The following CDK5RAP2 variants were observed in gnomAD, a reference collection of about 807,000 sequenced individuals.
CDK5RAP2 encodes CDK5 regulatory subunit-associated protein 2.
Under a neutral mutation model 232.9 loss-of-function variants are expected in CDK5RAP2, and 147 were observed. The observed-to-expected ratio is 0.63, with a 90% confidence interval of 0.55 to 0.72. The LOEUF is 0.72. Among genes scored for constraint, CDK5RAP2 ranks in the 30% least tolerant of loss-of-function variants. CDK5RAP2 has a pLI of 0.00. For synonymous variants in CDK5RAP2, 833 were observed against 833.7 expected (o/e 1.00, Z 0.01); for missense variants, 2,195 against 2,231.5 (o/e 0.98, Z 0.33).
At chr9:120,522,235 C>A (rs1165935879) in intron 11 of CDK5RAP2, among the ~76,000 whole-genome samples, 1 of 152,172 alleles carries the variant, frequency 6.6e-6, no homozygotes, top group Non-Finnish European at 1.5e-5. Flanking sequence ...ATGTCAATGA[C>A]CTGGCAGTGA....
chr9:120,533,172 G>A (rs1036617479), intron 7 of CDK5RAP2, among the ~76,000 whole-genome samples: 9 of 152,004 alleles, frequency 5.9e-5, no homozygotes, highest in South Asian at 4.2e-4. Context: ...CATCAATCAC[G>A]ACATATATTT....
chr9:120,436,435 C>A (rs1044527567), intron 25 of CDK5RAP2, among the ~76,000 whole-genome samples: 1 of 151,838 alleles, frequency 6.6e-6, no homozygotes, highest in Non-Finnish European at 1.5e-5. Context: ...GATCAGGATC[C>A]AGAATAAACT....
intron 31 of CDK5RAP2, chr9:120,408,012 C>T: frequency 2.9e-6 from 1 of 347,278 alleles, no homozygotes; most frequent in Non-Finnish European, 5.6e-6. Context: ...ATTTTCAACA[C>T]AATTCTCCAC....
At chr9:120,505,893 C>T (rs1028519645) in intron 12 of CDK5RAP2, among the ~76,000 whole-genome samples, 6 of 152,204 alleles carry the variant, frequency 3.9e-5, no homozygotes, top group Non-Finnish European at 7.3e-5. Context: ...AATAAGTCAT[C>T]TAAGTAACAT....
chr9:120,554,771 C>A (rs902197792), intron 3 of CDK5RAP2, among the ~76,000 whole-genome samples: 4 of 151,884 alleles, frequency 2.6e-5, no homozygotes, highest in Non-Finnish European at 5.9e-5. Context: ...GTAGCTGGGA[C>A]TACAGGCATG....
At chr9:120,548,284 T>C (rs1034712091) in intron 4 of CDK5RAP2, among the ~76,000 whole-genome samples, 3 of 152,122 alleles carry the variant, frequency 2.0e-5, no homozygotes, top group Admixed American at 1.3e-4. Flanking sequence ...CTCAGAAGGG[T>C]GGAGAGCTTC....
At chr9:120,390,751 G>T (rs776794391) in intron 36 of CDK5RAP2, among the ~76,000 whole-genome samples, 6 of 152,184 alleles carry the variant, frequency 3.9e-5, no homozygotes, top group Non-Finnish European at 7.3e-5. Flanking sequence ...CAGTGCCAGA[G>T]GCTGTAACAG....
chr9:120,404,141 T>TA (rs1254713527), intron 32 of CDK5RAP2, 28 bp from the exon 33 acceptor site: 1 of 1,409,854 alleles, frequency 7.1e-7, no homozygotes, highest in East Asian at 2.3e-5. Flanking sequence ...CGAGAACTGT[T>TA]AGTTTCACTG....
chr9:120,496,250 A>G (rs1588485115), intron 12 of CDK5RAP2, among the ~76,000 whole-genome samples: 1 of 101,650 alleles, frequency 9.8e-6, no homozygotes, highest in Non-Finnish European at 2.0e-5. Context: ...CTGGGAGGTG[A>G]GGGGCGCCTC....
intron 18 of CDK5RAP2, among the ~76,000 whole-genome samples, chr9:120,463,700 A>C (rs1016921447): frequency 6.6e-6 from 1 of 152,240 alleles, no homozygotes. Flanking sequence ...GTTATTCTGC[A>C]TTTCCAGAAC....
At chr9:120,402,117 C>G (rs751512591) in intron 34 of CDK5RAP2, among the ~76,000 whole-genome samples, 2 of 152,062 alleles carry the variant, frequency 1.3e-5, no homozygotes, top group Non-Finnish European at 2.9e-5. Flanking sequence ...CAGAGTGAGA[C>G]CCTGTCTCTA....
At chr9:120,402,437 C>T (rs930243057) in intron 34 of CDK5RAP2, among the ~76,000 whole-genome samples, 1 of 152,228 alleles carries the variant, frequency 6.6e-6, no homozygotes, top group African/African-American at 2.4e-5. Context: ...AAGTTCACAA[C>T]CTTTGAACTA....
At chr9:120,427,013 T>C (rs1310785092) in intron 25 of CDK5RAP2, among the ~76,000 whole-genome samples, 3 of 152,202 alleles carry the variant, frequency 2.0e-5, no homozygotes, top group Non-Finnish European at 4.4e-5. Context: ...TTGGGTTCCC[T>C]TAGCTGAGGG....
chr9:120,479,711 A>G (rs890761179), intron 14 of CDK5RAP2, among the ~76,000 whole-genome samples: 3 of 152,248 alleles, frequency 2.0e-5, no homozygotes, highest in African/African-American at 7.2e-5. Flanking sequence ...AAAGTCAAGG[A>G]AAGATTTTAG....
At position 120,539,270 on chromosome 9, in the gene CDK5RAP2, C is replaced by G. The variant is rs1310994968; in HGVS notation, c.384-106G>C. 33 of 1,396,150 alleles carry G rather than the reference C, an allele frequency of 2.4e-5. No individual in the cohort carries two copies. The South Asian group carries it at 3.9e-4, about 16-fold the overall frequency. 86.5% of individuals were successfully genotyped at this position (1,396,150 alleles called of 1,614,324 possible). A position where few individuals can be genotyped will look rare whatever the true frequency, so the allele number is the denominator to read the frequency against. ...ATTTGCTAGTCATTTCTCCCACAGA[C>G]CTGTGCTGAGCTTCTTTTTCTTTAG... is the stretch of plus-strand genomic sequence containing the variant. On this transcript the variant is annotated intron_variant, in intron 5 of 37. Coordinates refer to ENST00000349780, the MANE Select transcript of CDK5RAP2 (RefSeq NM_018249.6).
chr9:120,548,110 T>C (rs2041916350), intron 4 of CDK5RAP2, among the ~76,000 whole-genome samples: 1 of 152,204 alleles, frequency 6.6e-6, no homozygotes, highest in African/African-American at 2.4e-5. Context: ...TCTTCTTCAC[T>C]GTCAAACAAC....
intron 12 of CDK5RAP2, among the ~76,000 whole-genome samples, chr9:120,508,023 G>A (rs2039914877): frequency 7.6e-6 from 1 of 130,782 alleles, no homozygotes; most frequent in Non-Finnish European, 1.6e-5. Flanking sequence ...CATTAGAAAT[G>A]AAAAGCCAAG....
intron 28 of CDK5RAP2, among the ~76,000 whole-genome samples, chr9:120,412,680 T>A (rs1043531953): frequency 2.6e-5 from 4 of 152,208 alleles, no homozygotes; most frequent in Non-Finnish European, 5.9e-5. Flanking sequence ...TCCCTGTTGT[T>A]ACCATCAGTT....
In CDK5RAP2 at chr9:120,403,364, A is replaced by C. The variant is rs1298171244; in HGVS notation, c.5042-293T>G. 5.9e-5 allele frequency: 26 copies of C among 441,310 alleles called. No homozygotes were observed. In the East Asian group the frequency reaches 1.1e-3, roughly 19 times the overall value. 27.3% of individuals were successfully genotyped at this position (441,310 alleles called of 1,614,324 possible). A position where few individuals can be genotyped will look rare whatever the true frequency, so the allele number is the denominator to read the frequency against. ...AAGGATGACTCAAGCTGGTGCCTGC[A>C]TTCCAGTAGCCCACAGTCTGATCAG... On this transcript the variant is annotated intron_variant, in intron 33 of 37. Transcript: ENST00000349780. This position sits in a 1 kb window ranked among gnomAD's most constrained non-coding sequence, Gnocchi z 4.2.
Sources: allele counts gnomAD v4.1 joint callset (sites outside exome capture counted in the v4.1 genomes callset), GRCh38; gene constraint gnomAD v4.1.1; non-coding constraint Gnocchi (gnomAD v3.1); transcripts MANE v1.5; gene names NCBI Gene and HGNC (gene_info 2026-07-23, HGNC 2026-07-21).